ABR: variants seen among roughly 807,000 people sequenced by gnomAD.
ABR encodes the protein active breakpoint cluster region-related protein.
A neutral mutation model predicts 107.2 loss-of-function variants in ABR; 35 were observed. The observed-to-expected ratio is 0.33, with a 90% CI of 0.25 to 0.43. The LOEUF (loss-of-function observed/expected upper bound fraction) is 0.43, where lower values mean the gene tolerates loss of function less well. Among genes scored for constraint, ABR ranks in the 20% least tolerant of loss-of-function variants. The pLI, the probability that ABR is intolerant of heterozygous loss-of-function variation, is 1.00. For missense variants in ABR, 815 were observed against 1,115.2 expected (o/e 0.73, Z 3.83); for synonymous variants, 498 against 462.0 (o/e 1.08, Z -1.00).
At chr17:1,117,971 A>G (rs1337400185) in intron 2 of ABR, among the ~76,000 whole-genome samples, 4 of 98,212 alleles carry the variant, frequency 4.1e-5, no homozygotes, top group African/African-American at 1.6e-4. Flanking sequence ...CCCCAGCGTT[A>G]TCCCTGAGCC....
intron 2 of ABR, among the ~76,000 whole-genome samples, chr17:1,113,194 C>T (rs747186694): frequency 2.0e-5 from 3 of 150,984 alleles, no homozygotes; most frequent in Admixed American, 6.6e-5. Flanking sequence ...GGGGCAAGGC[C>T]GTACTGGGGA....
At chr17:1,086,531 C>T (rs549513422) in intron 4 of ABR, among the ~76,000 whole-genome samples, 53 of 148,552 alleles carry the variant, frequency 3.6e-4, no homozygotes, top group African/African-American at 5.5e-4. Context: ...GATGGAGTCT[C>T]GCTCTGTCAA....
In ABR at chr17:1,070,770, C is replaced by T. The variant is rs913906397; in HGVS notation, c.895-680G>A. 4.6e-5 allele frequency among the ~76,000 whole-genome samples: 7 copies of T among 152,136 alleles called. No homozygotes were observed. Among genetic ancestry groups the T allele is most frequent in the African/African-American group, 1.4e-4 (6 of 41,424 alleles). On this transcript the variant is annotated intron_variant, in intron 8 of 22. Coordinates refer to ENST00000302538, the MANE Select transcript of ABR (RefSeq NM_021962.5). The surrounding 1 kb of genome is among the most constrained non-coding windows in gnomAD (Gnocchi z 4.2). ...AGAGTTTCCAACCCCCGCTCAGAGC[C>T]GGGGGGTCGTCCCCATCTGTGCCAG...
chr17:1,180,056 G>A (rs1254565362), upstream of ABR, among the ~76,000 whole-genome samples: 1 of 142,416 alleles, frequency 7.0e-6, no homozygotes, highest in South Asian at 2.2e-4. Flanking sequence ...GGGCTTTGGT[G>A]CGGGGGCGGG....
chr17:1,125,058 A>G (rs931430617), intron 2 of ABR, 125 bp downstream of exon 2: 1 of 981,556 alleles, frequency 1.0e-6, no homozygotes, highest in Admixed American at 2.8e-5. Context: ...GGCACCAAGA[A>G]CGGCCAGGTC....
At position 1,200,657 on chromosome 17, in the gene ABR, C is replaced by CA. The variant is rs2042654300; in HGVS notation, c.838+28135dup. On this transcript the variant is annotated intron_variant, in intron 1 of 22. Transcript: ENST00000574139. This position sits in a 1 kb window ranked among gnomAD's most constrained non-coding sequence, Gnocchi z 4.1. ...GTTTCACCTAGATGAGCTATGACCT[C>CA]ACTTTATTCGGGGCCTCCGTGGTGC... Among the ~76,000 whole-genome samples, 1 of 152,148 alleles carries CA rather than the reference C, an allele frequency of 6.6e-6. No homozygotes were observed. Among genetic ancestry groups the CA allele is most frequent in the South Asian group, 2.1e-4 (1 of 4,826 alleles).
At chr17:1,097,896 C>T (rs1391250180) in intron 3 of ABR, among the ~76,000 whole-genome samples, 1 of 152,168 alleles carries the variant, frequency 6.6e-6, no homozygotes, top group African/African-American at 2.4e-5. Flanking sequence ...CTCCTTTCTT[C>T]CACTAACAGT....
chr17:1,015,740 G>C (rs927913101), intron 16 of ABR, among the ~76,000 whole-genome samples: 4 of 152,176 alleles, frequency 2.6e-5, no homozygotes, highest in Non-Finnish European at 4.4e-5. Context: ...TTACAGGCGT[G>C]AGCCACCGCG....
At chr17:1,083,450 G>T in intron 5 of ABR, 70 bp downstream of exon 5, 1 of 1,130,358 alleles carries the variant, frequency 8.8e-7, no homozygotes, top group Non-Finnish European at 1.3e-6. Flanking sequence ...CGAGGGAGGG[G>T]AGACCAAGGG....
chr17:1,145,073 C>T lies in ABR; in HGVS notation c.62-19706G>A, dbSNP rs76029830. 2.0e-5 allele frequency among the ~76,000 whole-genome samples: 3 copies of T among 152,136 alleles called. No homozygotes were observed. In the East Asian group the frequency reaches 5.8e-4, roughly 29 times the overall value. Reference sequence around the variant, plus strand: ...AAAAAGAAAGAAAATAAATCCTCTACAAAGAAAGCAAGTCTGAGTTCGTTT... The same window carrying T: ...AAAAAGAAAGAAAATAAATCCTCTATAAAGAAAGCAAGTCTGAGTTCGTTT... On this transcript the variant is annotated intron_variant, in intron 1 of 22. Coordinates refer to ENST00000302538, the MANE Select transcript of ABR (RefSeq NM_021962.5).
At chr17:1,193,571 G>A (rs2042482755) in intron 1 of ABR, among the ~76,000 whole-genome samples, 1 of 150,850 alleles carries the variant, frequency 6.6e-6, no homozygotes, top group Non-Finnish European at 1.5e-5. Flanking sequence ...CTTCAGGAAA[G>A]CATCCTGACC....
At position 1,037,022 on chromosome 17, in the gene ABR, T is replaced by C. The variant is rs1260322807; in HGVS notation, c.1791+13028A>G. Among the ~76,000 whole-genome samples the C allele has an allele frequency of 7.0e-5, 10 of 142,528 alleles. No individual in the cohort carries two copies. Among genetic ancestry groups the C allele is most frequent in the African/African-American group, 1.4e-4 (5 of 34,922 alleles). 93.5% of individuals were successfully genotyped at this position (142,528 alleles called of 152,430 possible). On this transcript the variant is annotated intron_variant, in intron 16 of 22. Coordinates refer to ENST00000302538, the MANE Select transcript of ABR (RefSeq NM_021962.5). This position sits in a 1 kb window ranked among gnomAD's most constrained non-coding sequence, Gnocchi z 4.6. Reference sequence around the variant, plus strand: ...ATCCTTCCTTCCTTCCATCCTTCCTTCCTTCCATCCATCCACCCATCCATC... The same window carrying C: ...ATCCTTCCTTCCTTCCATCCTTCCTCCCTTCCATCCATCCACCCATCCATC...
chr17:1,032,233 T>C (rs7207195), intron 16 of ABR, among the ~76,000 whole-genome samples: 50,706 of 151,894 alleles, frequency 0.33, 8,671 homozygotes, highest in Admixed American at 0.38. Context: ...AGACTCTGAC[T>C]GCCCTGGGGT....
intron 9 of ABR, 144 bp from the exon 10 acceptor site, chr17:1,067,386 C>T: frequency 1.2e-6 from 1 of 836,648 alleles, no homozygotes; most frequent in African/African-American, 1.7e-5. Flanking sequence ...CCTGAGGAGC[C>T]TGATTGGGAA....
chr17:1,020,223 C>T (rs925548054), intron 16 of ABR, among the ~76,000 whole-genome samples: 1 of 152,180 alleles, frequency 6.6e-6, no homozygotes, highest in Non-Finnish European at 1.5e-5. Context: ...GCTGGGGCTA[C>T]AGGCACGAGC....
At chr17:1,131,368 C>T (rs553786993) in intron 1 of ABR, among the ~76,000 whole-genome samples, 6 of 33,646 alleles carry the variant, frequency 1.8e-4, no homozygotes, top group Non-Finnish European at 2.8e-4. Flanking sequence ...CCTTTGCACA[C>T]CAAATGCAGT....
In ABR at chr17:1,140,192, C is replaced by T. The variant is rs115149275; in HGVS notation, c.62-14825G>A. 2.8e-3 allele frequency among the ~76,000 whole-genome samples: 422 copies of T among 152,260 alleles called. 1 individual carries two copies. The highest frequency in any genetic ancestry group is 9.2e-3 in the African/African-American group (384 of 41,542). ...GGTGGGAACCAAGGGCAAAGTCTGG[C>T]GATGGGAGAGTTGACTGAAAATGCG... On this transcript the variant is annotated intron_variant, in intron 1 of 22. Coordinates refer to ENST00000302538, the MANE Select transcript of ABR (RefSeq NM_021962.5).
intron 1 of ABR, among the ~76,000 whole-genome samples, chr17:1,153,563 T>C (rs80273272): frequency 9.1e-5 from 7 of 76,984 alleles, no homozygotes; most frequent in African/African-American, 1.9e-4. Flanking sequence ...GGGCTGGGGG[T>C]CCAGGCACAC....
chr17:1,036,062 A>G (rs1213291010), intron 16 of ABR, among the ~76,000 whole-genome samples: 1 of 151,928 alleles, frequency 6.6e-6, no homozygotes, highest in African/African-American at 2.4e-5. Context: ...CACCAGGAGG[A>G]AGGTTCTGCC....
Sources: gnomAD v4.1 joint callset for allele counts (sites outside exome capture counted in the v4.1 genomes callset) on GRCh38, gnomAD v4.1.1 for gene constraint, Gnocchi (gnomAD v3.1) non-coding constraint, MANE v1.5 for transcripts, NCBI Gene and HGNC (gene_info 2026-07-23, HGNC 2026-07-21) for gene names.